The following SDCCAG8 variants were observed in gnomAD, a reference collection of about 807,000 sequenced individuals.
The protein encoded by SDCCAG8 is SHH signaling and ciliogenesis regulator SDCCAG8.
A neutral mutation model predicts 101.8 loss-of-function variants in SDCCAG8; 74 were observed. The ratio of observed to expected loss-of-function variants is 0.73; its 90% CI spans 0.60 to 0.88. The LOEUF (loss-of-function observed/expected upper bound fraction) is 0.88. Among genes scored for constraint, SDCCAG8 ranks in the 40% least tolerant of loss-of-function variants. SDCCAG8 has a pLI of 0.00. For synonymous variants in SDCCAG8, 281 were observed against 292.9 expected (o/e 0.96, Z 0.41); for missense variants, 787 against 822.6 (o/e 0.96, Z 0.53).
chr1:243,477,579 A>G (rs12748751), intron 16 of SDCCAG8, among the ~76,000 whole-genome samples: 78,138 of 152,142 alleles, frequency 0.51, 22,546 homozygotes, highest in East Asian at 0.78. Flanking sequence ...GATTCAACAG[A>G]TCTAATTGCC....
chr1:243,426,373 T>C, intron 15 of SDCCAG8, 54 bp from the exon 16 acceptor site: 1 of 1,450,884 alleles, frequency 6.9e-7, no homozygotes, highest in Non-Finnish European at 9.6e-7. Flanking sequence ...AATAACAATA[T>C]GCCCTAGTAA....
rs775752533 is a variant in SDCCAG8 at position 243,344,269 on chromosome 1, G to A, written c.1411G>A (p.Ala471Thr). ...TAAAACCAACATGGAGAAGGATGAG[G>A]CAGAAAAGGAGCACAGAGAGTTCAG... ...LNKTNMEKDE[A>T]EKEHREFRAK... is the part of the protein sequence containing the mutation. The change falls in exon 12 of 18, where the codon GCA becomes ACA. Residue 471 changes from alanine to threonine, a missense_variant. Coordinates refer to ENST00000366541, the MANE Select transcript of SDCCAG8 (RefSeq NM_006642.5). 6.2e-7 allele frequency: 1 copy of A among 1,614,000 alleles called. No homozygotes were observed. Among genetic ancestry groups the A allele is most frequent in the Non-Finnish European group, 8.5e-7 (1 of 1,179,932 alleles).
intron 16 of SDCCAG8, among the ~76,000 whole-genome samples, chr1:243,466,619 G>A (rs1394549315): frequency 6.6e-6 from 1 of 152,202 alleles, no homozygotes; most frequent in African/African-American, 2.4e-5. Context: ...AACAGTGCAG[G>A]GCACATAGTA....
chr1:243,492,642 T>C (rs1303553962), intron 17 of SDCCAG8, among the ~76,000 whole-genome samples: 1 of 143,550 alleles, frequency 7.0e-6, no homozygotes, highest in Non-Finnish European at 1.5e-5. Flanking sequence ...AGTTTTGTTC[T>C]TGTCGCCCAG....
chr1:243,330,242 T>C (rs566384120), intron 9 of SDCCAG8, among the ~76,000 whole-genome samples: 7 of 152,356 alleles, frequency 4.6e-5, no homozygotes, highest in East Asian at 1.9e-4. Flanking sequence ...TTGGTGTTTC[T>C]GGTTCCCTTT....
intron 16 of SDCCAG8, among the ~76,000 whole-genome samples, chr1:243,446,743 A>G (rs2082936402): frequency 1.3e-5 from 2 of 152,268 alleles, no homozygotes; most frequent in African/African-American, 2.4e-5. Flanking sequence ...CAATAAAAGC[A>G]TCGGCCACTG....
chr1:243,382,306 C>T (rs558617201), intron 13 of SDCCAG8, among the ~76,000 whole-genome samples: 14 of 152,212 alleles, frequency 9.2e-5, no homozygotes, highest in African/African-American at 3.1e-4. Context: ...ATCTAGGAGA[C>T]AGGAAGACCA....
chr1:243,317,113 T>G (rs1190533126), intron 9 of SDCCAG8, among the ~76,000 whole-genome samples: 2 of 152,210 alleles, frequency 1.3e-5, no homozygotes, highest in Non-Finnish European at 2.9e-5. Context: ...GTTCAGAGAA[T>G]GTAGTACAGT....
intron 16 of SDCCAG8, among the ~76,000 whole-genome samples, chr1:243,433,263 A>G (rs928359104): frequency 1.3e-5 from 2 of 151,494 alleles, no homozygotes. Context: ...TGCCTTGGAG[A>G]ACTGCGTGAA....
intron 1 of SDCCAG8, among the ~76,000 whole-genome samples, chr1:243,256,975 A>C (rs1349421051): frequency 6.6e-6 from 1 of 152,182 alleles, no homozygotes; most frequent in Non-Finnish European, 1.5e-5. Context: ...ATTTTCCTTT[A>C]AGCTCTGTTG....
intron 1 of SDCCAG8, among the ~76,000 whole-genome samples, chr1:243,261,864 T>C (rs372519454): frequency 3.1e-4 from 47 of 151,708 alleles, no homozygotes; most frequent in African/African-American, 1.0e-3. Context: ...TTTTCTTTTT[T>C]TTTTTTTTTT....
intron 16 of SDCCAG8, among the ~76,000 whole-genome samples, chr1:243,468,305 C>T (rs1399883961): frequency 1.3e-5 from 2 of 151,954 alleles, no homozygotes; most frequent in South Asian, 2.1e-4. Context: ...GCAACCTCCG[C>T]CTCCCGGGTT....
intron 1 of SDCCAG8, among the ~76,000 whole-genome samples, chr1:243,260,708 A>G (rs544225141): frequency 6.6e-6 from 1 of 152,308 alleles, no homozygotes; most frequent in African/African-American, 2.4e-5. Context: ...ATTCCTAGCC[A>G]CCTTTGGTTG....
At chr1:243,445,104 CAT>C (rs1181770013) in intron 16 of SDCCAG8, among the ~76,000 whole-genome samples, 1 of 152,156 alleles carries the variant, frequency 6.6e-6, no homozygotes, top group Admixed American at 6.5e-5. Context: ...TAATAACAAA[CAT>C]ATTTTTCCAA....
chr1:243,297,432 A>G (rs1362656317), intron 6 of SDCCAG8, among the ~76,000 whole-genome samples: 1 of 152,192 alleles, frequency 6.6e-6, no homozygotes, highest in Non-Finnish European at 1.5e-5. Flanking sequence ...TACGTTGCAT[A>G]TGTATGTTGG....
rs1573761279 is a variant in SDCCAG8, at chr1:243,390,946, T to G, written c.1616+12083T>G. 2.0e-5 allele frequency among the ~76,000 whole-genome samples: 3 copies of G among 152,362 alleles called. No homozygotes were observed. In the Middle Eastern group the frequency reaches 0.01, roughly 518 times the overall value. Reference sequence around the variant, plus strand: ...GATGTTTAATTTCTTCCGGTAAATTTCTAAAATTAATTCACATTCTTTTAT... The same window carrying G: ...GATGTTTAATTTCTTCCGGTAAATTGCTAAAATTAATTCACATTCTTTTAT... On this transcript the variant is annotated intron_variant, in intron 13 of 17. Transcript: ENST00000366541.
chr1:243,331,962 C>T (rs78304856), intron 10 of SDCCAG8, among the ~76,000 whole-genome samples: 1,992 of 152,236 alleles, frequency 0.013, 53 homozygotes, highest in African/African-American at 0.046. Context: ...TTTAGGATAT[C>T]GTGGGAATGT....
intron 13 of SDCCAG8, among the ~76,000 whole-genome samples, chr1:243,384,941 G>A (rs1217670417): frequency 1.3e-5 from 2 of 152,032 alleles, no homozygotes; most frequent in East Asian, 3.8e-4. Flanking sequence ...AGACTTTCAG[G>A]TACATTTAAA....
In SDCCAG8 at chr1:243,356,126, A is replaced by T. The variant is rs559956855; in HGVS notation, c.1473+11795A>T. ...ATTAAGCTATGCAAGGTTTTATATA[A>T]TAAGAACCAGACATGTTTCATTTTA... On this transcript the variant is annotated intron_variant, in intron 12 of 17. Transcript: ENST00000366541. Among the ~76,000 whole-genome samples, 5 of 152,338 alleles carry T rather than the reference A, an allele frequency of 3.3e-5. No homozygotes were observed. In the South Asian group the frequency reaches 8.3e-4, roughly 25 times the overall value.
Sources: gnomAD v4.1 joint callset for allele counts (sites outside exome capture counted in the v4.1 genomes callset) on GRCh38, gnomAD v4.1.1 for gene constraint, MANE v1.5 for transcripts, NCBI Gene and HGNC (gene_info 2026-07-23, HGNC 2026-07-21) for gene names.